Variants in ATXN1 observed in about 807,000 individuals in gnomAD.
ATXN1 encodes ataxin-1.
ATXN1 carries 8 observed loss-of-function variants against 56.4 expected under a neutral mutation model. That is an observed-to-expected ratio of 0.14 (90% CI 0.08 to 0.26). The LOEUF is 0.26. ATXN1 is among the 10% of genes least tolerant of loss of function. The probability of loss-of-function intolerance (pLI) is 1.00; values close to 1 mark genes in which losing one functional copy is unlikely to be tolerated. For missense variants in ATXN1, 987 were observed against 1,106.5 expected (o/e 0.89, Z 1.53); for synonymous variants, 514 against 494.6 (o/e 1.04, Z -0.52).
At chr6:16,680,471 T>A (rs1758790678) in intron 2 of ATXN1, among the ~76,000 whole-genome samples, 1 of 152,130 alleles carries the variant, frequency 6.6e-6, no homozygotes, top group East Asian at 1.9e-4. Context: ...CCGGGAGGAT[T>A]AACAAACTGA....
At chr6:16,389,298 C>CTGCACTCT (rs1362211590) in intron 6 of ATXN1, among the ~76,000 whole-genome samples, 1 of 111,110 alleles carries the variant, frequency 9.0e-6, no homozygotes, top group Admixed American at 8.3e-5. Context: ...GATGGCGCCA[C>CTGCACTCT]TGCACTCCAG....
chr6:16,529,142 G>A (rs2113703967), intron 4 of ATXN1, among the ~76,000 whole-genome samples: 2 of 147,782 alleles, frequency 1.4e-5, no homozygotes, highest in South Asian at 4.2e-4. Flanking sequence ...CTGTGCCACT[G>A]CACTCCAGCC....
chr6:16,706,415 G>C (rs76626055), intron 2 of ATXN1, among the ~76,000 whole-genome samples: 1 of 152,156 alleles, frequency 6.6e-6, no homozygotes, highest in Non-Finnish European at 1.5e-5. Flanking sequence ...GAGGCAGAGA[G>C]AAAGAAAGAG....
At chr6:16,694,340 C>T (rs563922592) in intron 2 of ATXN1, among the ~76,000 whole-genome samples, 18 of 151,076 alleles carry the variant, frequency 1.2e-4, no homozygotes, top group African/African-American at 3.2e-4. Flanking sequence ...CAAGCTCCGC[C>T]GCCTCCTGGT....
intron 6 of ATXN1, among the ~76,000 whole-genome samples, chr6:16,462,667 A>T (rs977091126): frequency 6.6e-6 from 1 of 152,154 alleles, no homozygotes; most frequent in African/African-American, 2.4e-5. Flanking sequence ...CACCTATTAC[A>T]TGAGCAATGA....
At chr6:16,473,936 A>G (rs1253597514) in intron 6 of ATXN1, among the ~76,000 whole-genome samples, 2 of 152,176 alleles carry the variant, frequency 1.3e-5, no homozygotes, top group Non-Finnish European at 2.9e-5. Flanking sequence ...TTAGGCTTCT[A>G]CCACCTAACC....
At chr6:16,485,082 A>G (rs1425310188) in intron 6 of ATXN1, 1 of 152,158 alleles carries the variant, frequency 6.6e-6, no homozygotes, top group Non-Finnish European at 1.5e-5. Flanking sequence ...ACAAAAACCT[A>G]GAAGAAATTG....
intron 6 of ATXN1, among the ~76,000 whole-genome samples, chr6:16,459,722 G>T (rs1759952440): frequency 6.6e-6 from 1 of 152,180 alleles, no homozygotes; most frequent in African/African-American, 2.4e-5. Context: ...TGCCTCAAGG[G>T]TTTAGGGATA....
intron 6 of ATXN1, among the ~76,000 whole-genome samples, chr6:16,463,731 G>A (rs2113629537): frequency 6.6e-6 from 1 of 152,318 alleles, no homozygotes; most frequent in South Asian, 2.1e-4. Flanking sequence ...ATCAGACAAT[G>A]CCTTTCAAAC....
At chr6:16,672,745 C>A (rs1758571131) in intron 2 of ATXN1, among the ~76,000 whole-genome samples, 1 of 152,208 alleles carries the variant, frequency 6.6e-6, no homozygotes, top group Non-Finnish European at 1.5e-5. Flanking sequence ...GTGGGCCAGG[C>A]ACGATGGTTC....
intron 3 of ATXN1, among the ~76,000 whole-genome samples, chr6:16,645,288 C>T (rs1487701854): frequency 1.3e-5 from 2 of 152,228 alleles, no homozygotes; most frequent in Non-Finnish European, 2.9e-5. Flanking sequence ...TGGGCTCCTA[C>T]AAGTGGTTTG....
At chr6:16,575,560 T>C (rs1581855360) in intron 4 of ATXN1, among the ~76,000 whole-genome samples, 2 of 152,234 alleles carry the variant, frequency 1.3e-5, no homozygotes, top group East Asian at 3.8e-4. Flanking sequence ...GTGTTACAGG[T>C]TGTCCCTCAT....
intron 4 of ATXN1, among the ~76,000 whole-genome samples, chr6:16,542,823 G>A (rs536426495): frequency 3.3e-5 from 5 of 151,080 alleles, no homozygotes; most frequent in African/African-American, 1.2e-4. Flanking sequence ...ATAAGTCACA[G>A]TAAGAGATTA....
At chr6:16,545,644 A>G (rs1761801733) in intron 4 of ATXN1, among the ~76,000 whole-genome samples, 1 of 152,248 alleles carries the variant, frequency 6.6e-6, no homozygotes. Flanking sequence ...ACCGAGAGCT[A>G]ACAAGAGAAC....
intron 7 of ATXN1, among the ~76,000 whole-genome samples, chr6:16,313,589 C>T (rs1760447975): frequency 6.6e-6 from 1 of 150,856 alleles, no homozygotes; most frequent in Admixed American, 6.6e-5. Flanking sequence ...CAGAGTCTCG[C>T]TCTGTCACCC....
intron 6 of ATXN1, among the ~76,000 whole-genome samples, chr6:16,355,764 G>A (rs755690092): frequency 4.4e-4 from 67 of 152,076 alleles, no homozygotes; most frequent in Admixed American, 1.2e-3. Context: ...GGGTTTCACC[G>A]TATTGGCAAG....
intron 6 of ATXN1, among the ~76,000 whole-genome samples, chr6:16,469,937 G>A (rs894057225): frequency 2.1e-5 from 3 of 146,292 alleles, no homozygotes; most frequent in African/African-American, 7.7e-5. Context: ...TCCAGCCTGG[G>A]CAACAAGAGC....
intron 5 of ATXN1, among the ~76,000 whole-genome samples, chr6:16,520,642 G>C (rs1243248333): frequency 6.6e-6 from 1 of 152,146 alleles, no homozygotes; most frequent in Non-Finnish European, 1.5e-5. Flanking sequence ...ACTCTAAAGA[G>C]ACCTTTACAG....
intron 3 of ATXN1, among the ~76,000 whole-genome samples, chr6:16,586,889 C>T (rs1184265445): frequency 3.3e-5 from 5 of 151,948 alleles, no homozygotes; most frequent in Admixed American, 2.0e-4. Flanking sequence ...CATGGTGGTG[C>T]GTGCCCGTAA....
Sources: gnomAD v4.1 joint callset for allele counts (sites outside exome capture counted in the v4.1 genomes callset) on GRCh38, gnomAD v4.1.1 for gene constraint, MANE v1.5 for transcripts, NCBI Gene and HGNC (gene_info 2026-07-23, HGNC 2026-07-21) for gene names.